Variants in C11orf65 observed in about 807,000 individuals in gnomAD.
The protein encoded by C11orf65 is chromosome 11 open reading frame 65.
Under a neutral mutation model 35.3 loss-of-function variants are expected in C11orf65, and 38 were observed. The observed-to-expected ratio is 1.08, with a 90% CI of 0.83 to 1.41. The LOEUF (loss-of-function observed/expected upper bound fraction) is 1.41. C11orf65 is among the 40% of genes most tolerant of loss of function. C11orf65 has a pLI of 0.00. For missense variants in C11orf65, 370 were observed against 367.1 expected, an observed-to-expected ratio of 1.01 and a Z score of -0.06; for synonymous variants, 105 against 114.4, an observed-to-expected ratio of 0.92 and a Z score of 0.53.
chr11:108,338,595 T>C (rs1046099681), intron 2 of C11orf65, among the ~76,000 whole-genome samples: 1 of 151,762 alleles, frequency 6.6e-6, no homozygotes, highest in Non-Finnish European at 1.5e-5. Context: ...TTTGGGGCTG[T>C]GCATGAGCTG....
At chr11:108,408,026 T>TATTATTA (rs1248136075) in intron 3 of C11orf65, among the ~76,000 whole-genome samples, 31 of 146,964 alleles carry the variant, frequency 2.1e-4, no homozygotes, top group Non-Finnish European at 3.7e-4. Context: ...TTATTATTAT[T>TATTATTA]ATTTTATTAT....
chr11:108,362,142 A>G (rs1481458114), intron 2 of C11orf65, among the ~76,000 whole-genome samples: 5 of 142,976 alleles, frequency 3.5e-5, no homozygotes, highest in Non-Finnish European at 6.1e-5. Context: ...GGTGAAGGAC[A>G]TGAACAGACA....
chr11:108,392,093 A>G (rs891526283), intron 7 of C11orf65, among the ~76,000 whole-genome samples: 1 of 151,688 alleles, frequency 6.6e-6, no homozygotes, highest in Non-Finnish European at 1.5e-5. Flanking sequence ...TGTCACCCAG[A>G]CTGGAGTACA....
chr11:108,433,088 A>C (rs1199430276), intron 2 of C11orf65, among the ~76,000 whole-genome samples: 2 of 152,010 alleles, frequency 1.3e-5, no homozygotes, highest in Non-Finnish European at 2.9e-5. Context: ...AATTTTTGGA[A>C]TATCTAGGAT....
chr11:108,349,480 T>C (rs1224378228), intron 2 of C11orf65, among the ~76,000 whole-genome samples: 2 of 152,094 alleles, frequency 1.3e-5, no homozygotes, highest in African/African-American at 4.8e-5. Context: ...CTGGCCAACA[T>C]GGTGAAACCC....
chr11:108,311,690 C>T (rs994900171), intron 6 of C11orf65, among the ~76,000 whole-genome samples: 15 of 150,672 alleles, frequency 1.0e-4, no homozygotes, highest in Non-Finnish European at 2.2e-4. Context: ...AGAGCGAGAC[C>T]CTATCTCATA....
At position 108,393,247 on chromosome 11, in the gene C11orf65, T is replaced by C; in HGVS notation, c.692A>G (p.Asp231Gly). The C allele has an allele frequency of 6.2e-7, 1 of 1,614,108 alleles. No individual in the cohort carries two copies. The highest frequency in any genetic ancestry group is 8.5e-7 in the Non-Finnish European group (1 of 1,180,000). ...TGTATTTGTCCAGTTCAGCACTTCATCCACTTCCCATTCCATCACAGAATC... is the reference window on the plus strand; with the variant it reads ...TGTATTTGTCCAGTTCAGCACTTCACCCACTTCCCATTCCATCACAGAATC... ...GIDSVMEWEV[D>G]EVLNWTNTLN... Residue 231 changes from aspartate (D) to glycine (G), a missense_variant, in exon 7 of 9, where the codon GAT becomes GGT. Asp to Gly is a moderately conservative substitution (Grantham distance 94, BLOSUM62 -1). Coordinates refer to ENST00000393084, the MANE Select transcript of C11orf65 (RefSeq NM_152587.5).
At chr11:108,460,223 C>A (rs2093457060) in intron 2 of C11orf65, among the ~76,000 whole-genome samples, 1 of 152,122 alleles carries the variant, frequency 6.6e-6, no homozygotes, top group Non-Finnish European at 1.5e-5. Flanking sequence ...TTAACTGATA[C>A]AAAGGTGGTC....
intron 2 of C11orf65, among the ~76,000 whole-genome samples, chr11:108,370,026 G>A (rs2091510614): frequency 6.6e-6 from 1 of 151,996 alleles, no homozygotes; most frequent in Non-Finnish European, 1.5e-5. Flanking sequence ...TTCTCTTAAT[G>A]GAGTTTTTTT....
At chr11:108,319,512 T>G (rs950056826) in intron 6 of C11orf65, among the ~76,000 whole-genome samples, 1 of 152,256 alleles carries the variant, frequency 6.6e-6, no homozygotes, top group African/African-American at 2.4e-5. Flanking sequence ...TTACCCATTC[T>G]ATAATAGCCA....
In C11orf65 at chr11:108,332,741, T is replaced by G. The variant is rs371070275; in HGVS notation, c.300-1174A>C. The G allele has an allele frequency of 1.4e-4, 221 of 1,608,390 alleles. No homozygotes were observed. The highest frequency in any genetic ancestry group is 1.7e-4 in the Non-Finnish European group (202 of 1,178,092). On this transcript the variant is annotated intron_variant, in intron 3 of 3. Coordinates refer to the C11orf65 transcript ENST00000524755. ...ATGTTGGGTAGTTCCTTATGTAATG[T>G]TTTTTGTTTTTTATTAATAGGATCG...
intron 2 of C11orf65, among the ~76,000 whole-genome samples, chr11:108,456,540 C>T (rs939977533): frequency 4.0e-5 from 6 of 151,848 alleles, no homozygotes; most frequent in Admixed American, 3.3e-4. Context: ...TCAGCACTTT[C>T]GGAGGCCAAG....
chr11:108,420,459 C>T (rs2092799381), intron 3 of C11orf65, among the ~76,000 whole-genome samples: 1 of 152,164 alleles, frequency 6.6e-6, no homozygotes, highest in African/African-American at 2.4e-5. Flanking sequence ...CTAGACCCAT[C>T]TCCTCACCCA....
chr11:108,399,355 T>G (rs1295421239), intron 6 of C11orf65, among the ~76,000 whole-genome samples: 2 of 152,180 alleles, frequency 1.3e-5, no homozygotes, highest in African/African-American at 4.8e-5. Flanking sequence ...ACTATAAATG[T>G]TGGTCAGCAC....
intron 2 of C11orf65, among the ~76,000 whole-genome samples, chr11:108,437,285 T>A (rs2093075381): frequency 6.6e-6 from 1 of 150,468 alleles, no homozygotes; most frequent in East Asian, 2.0e-4. Context: ...AGAACTTGCC[T>A]CTCAAAAACA....
intron 2 of C11orf65, among the ~76,000 whole-genome samples, chr11:108,457,922 C>T (rs2093427126): frequency 6.6e-6 from 1 of 152,036 alleles, no homozygotes; most frequent in Admixed American, 6.6e-5. Context: ...GATGCTGTGT[C>T]TAGAATCAAG....
At chr11:108,444,603 C>T (rs528366976) in intron 2 of C11orf65, among the ~76,000 whole-genome samples, 1 of 152,266 alleles carries the variant, frequency 6.6e-6, no homozygotes, top group African/African-American at 2.4e-5. Context: ...AGCAGCACAT[C>T]AAAAAGCTTA....
At chr11:108,377,080 A>C (rs2091749615) in intron 2 of C11orf65, among the ~76,000 whole-genome samples, 1 of 151,386 alleles carries the variant, frequency 6.6e-6, no homozygotes, top group Admixed American at 6.6e-5. Context: ...ATTCCTTCTG[A>C]AACTATTCCA....
chr11:108,312,353 A>G, intron 6 of C11orf65: 1 of 1,301,432 alleles, frequency 7.7e-7, no homozygotes, highest in Non-Finnish European at 1.1e-6. Flanking sequence ...TAGTATATGT[A>G]TTCAGGAGCT....
Sources: gnomAD v4.1 joint callset for allele counts (sites outside exome capture counted in the v4.1 genomes callset) on GRCh38, gnomAD v4.1.1 for gene constraint, MANE v1.5 for transcripts, NCBI Gene and HGNC (gene_info 2026-07-23, HGNC 2026-07-21) for gene names.